The following SLC35D2 variants were observed in gnomAD, a reference collection of about 807,000 sequenced individuals.
SLC35D2 encodes nucleotide sugar transporter SLC35D2.
In SLC35D2, 43 loss-of-function variants were observed where a neutral mutation model predicts 41.8. That is an observed-to-expected ratio of 1.03 (90% CI 0.81 to 1.33). SLC35D2 has a LOEUF of 1.33. Ranked by LOEUF, SLC35D2 falls within the 40% of genes most tolerant of loss-of-function variation. The pLI is 0.00. For synonymous variants in SLC35D2, 150 were observed against 163.9 expected, an observed-to-expected ratio of 0.92 and a Z score of 0.65; for missense variants, 380 against 408.4, an observed-to-expected ratio of 0.93 and a Z score of 0.60.
intron 9 of SLC35D2, among the ~76,000 whole-genome samples, chr9:96,325,403 T>C (rs10990503): frequency 0.32 from 48,310 of 152,036 alleles, 7,866 homozygotes; most frequent in Admixed American, 0.36. Context: ...CCAGGTCAGG[T>C]TCGGCACGGT....
In SLC35D2 at chr9:96,322,138, T is replaced by A. The variant is rs183293966; in HGVS notation, c.832-58A>T. 3.1e-3 allele frequency: 3,443 copies of A among 1,096,012 alleles called. 10 individuals carry two copies. Among genetic ancestry groups the A allele is most frequent in the South Asian group, 5.9e-3 (441 of 75,176 alleles). The allele number at this position is 1,096,012 out of a possible 1,614,324, so 67.9% of individuals were successfully genotyped here. A position where few individuals can be genotyped will look rare whatever the true frequency, so the allele number is the denominator to read the frequency against. On this transcript the variant is annotated intron_variant, in intron 10 of 11. Transcript: ENST00000253270. Reference sequence around the variant, plus strand: ...AAAGTAAACTGTTTAGGGGAAAATATAAATAGTAAAACCTGAAACTAGACA... The same window carrying A: ...AAAGTAAACTGTTTAGGGGAAAATAAAAATAGTAAAACCTGAAACTAGACA...
chr9:96,345,815 A>C (rs1214301902), intron 6 of SLC35D2, among the ~76,000 whole-genome samples: 1 of 152,168 alleles, frequency 6.6e-6, no homozygotes, highest in African/African-American at 2.4e-5. Context: ...GAGGCTGGGT[A>C]AGAGGGGTCG....
chr9:96,368,443 T>C (rs1465764562), intron 1 of SLC35D2, 138 bp from the exon 2 acceptor site: 3 of 763,258 alleles, frequency 3.9e-6, no homozygotes, highest in Non-Finnish European at 2.1e-6. Flanking sequence ...TTTAATTCTT[T>C]TTTTTTTTTC....
chr9:96,353,344 A>ATTATTTATTTATTTATTTAT (rs71308273), intron 4 of SLC35D2, among the ~76,000 whole-genome samples: 77 of 149,650 alleles, frequency 5.1e-4, no homozygotes, highest in African/African-American at 1.9e-3. Context: ...GCTGCAAAGG[A>ATTATTTATTTATTTATTTAT]TTATTTATTT....
At chr9:96,340,919 G>A (rs1372840835) in intron 8 of SLC35D2, among the ~76,000 whole-genome samples, 2 of 152,108 alleles carry the variant, frequency 1.3e-5, no homozygotes, top group East Asian at 1.9e-4. Context: ...GCTAAACAGG[G>A]TAAATATTCG....
downstream of SLC35D2, among the ~76,000 whole-genome samples, chr9:96,316,316 C>G (rs1365773409): frequency 6.6e-6 from 1 of 152,084 alleles, no homozygotes; most frequent in Non-Finnish European, 1.5e-5. Context: ...GCCTGGCCAA[C>G]ATGGTGAAAC....
intron 9 of SLC35D2, among the ~76,000 whole-genome samples, chr9:96,331,508 T>C (rs979868878): frequency 6.6e-6 from 1 of 152,036 alleles, no homozygotes; most frequent in Non-Finnish European, 1.5e-5. Context: ...TTTTTTTTTC[T>C]TTCCCTCTGC....
At chr9:96,348,185 T>C (rs1021580860) in intron 6 of SLC35D2, among the ~76,000 whole-genome samples, 7 of 152,226 alleles carry the variant, frequency 4.6e-5, no homozygotes, top group African/African-American at 1.2e-4. Context: ...GTAACAGGAT[T>C]ACAGGCATGG....
At chr9:96,315,618 A>G (rs1256747222) in intron 11 of SLC35D2, among the ~76,000 whole-genome samples, 3 of 151,958 alleles carry the variant, frequency 2.0e-5, no homozygotes, top group Non-Finnish European at 4.4e-5. Context: ...TATTTTTAGT[A>G]GTGACGGGGT....
chr9:96,347,231 A>G (rs1829622221), intron 6 of SLC35D2, among the ~76,000 whole-genome samples: 1 of 152,154 alleles, frequency 6.6e-6, no homozygotes, highest in Non-Finnish European at 1.5e-5. Context: ...GAGACAGCAG[A>G]GCCAAGTGAG....
At chr9:96,324,718 AC>A (rs1193178776) in intron 9 of SLC35D2, among the ~76,000 whole-genome samples, 1 of 151,864 alleles carries the variant, frequency 6.6e-6, no homozygotes. Context: ...ATACCCAGCT[AC>A]TTTTTTTTGT....
intron 9 of SLC35D2, among the ~76,000 whole-genome samples, chr9:96,326,434 T>C (rs1313526554): frequency 3.9e-5 from 6 of 152,222 alleles, no homozygotes; most frequent in African/African-American, 1.2e-4. Context: ...AAAGTAAATG[T>C]TCTTTTATAG....
chr9:96,375,407 G>A (rs968849453), intron 1 of SLC35D2, among the ~76,000 whole-genome samples: 26 of 150,738 alleles, frequency 1.7e-4, no homozygotes, highest in African/African-American at 4.9e-4. Flanking sequence ...ATGAAACCCC[G>A]TCTCTACTAA....
chr9:96,371,758 GCT>G lies in SLC35D2; in HGVS notation c.159-3455_159-3454del, dbSNP rs902564513. On this transcript the variant is annotated intron_variant, in intron 1 of 11. Coordinates refer to ENST00000253270, the MANE Select transcript of SLC35D2 (RefSeq NM_007001.3). ...TTTTTTTTTTTTGAGACGGAGTCTCGCTCTGTCGCCCAGGCTGGAGTGCAGTG... is the reference window on the plus strand; with the variant it reads ...TTTTTTTTTTTTGAGACGGAGTCTCGCTGTCGCCCAGGCTGGAGTGCAGTG... Among the ~76,000 whole-genome samples, 9 of 107,344 alleles carry G rather than the reference GCT, an allele frequency of 8.4e-5. No individual in the cohort carries two copies. In the Admixed American group the frequency reaches 1.2e-3, roughly 14 times the overall value. The allele number at this position is 107,344 out of a possible 152,430, so 70.4% of individuals were successfully genotyped here.
In SLC35D2 at chr9:96,332,027, T is replaced by G. The variant is rs12683992; in HGVS notation, c.752+4690A>C. Among the ~76,000 whole-genome samples, 5 of 152,306 alleles carry G rather than the reference T, an allele frequency of 3.3e-5. No individual in the cohort carries two copies. The South Asian group carries it at 1.0e-3, about 32-fold the overall frequency. ...TGCTAAAAAGGTTGGGGACTGCTGGTTTACAGTGTCTTTCAGGACTGTGGT... is the reference window on the plus strand; with the variant it reads ...TGCTAAAAAGGTTGGGGACTGCTGGGTTACAGTGTCTTTCAGGACTGTGGT... On this transcript the variant is annotated intron_variant, in intron 9 of 11. Transcript: ENST00000253270.
chr9:96,315,685 G>T (rs111799723), intron 11 of SLC35D2, among the ~76,000 whole-genome samples: 2 of 152,004 alleles, frequency 1.3e-5, no homozygotes, highest in Non-Finnish European at 2.9e-5. Context: ...CACCCGCCTC[G>T]GCCTCCCAAA....
intron 1 of SLC35D2, among the ~76,000 whole-genome samples, chr9:96,382,464 T>TACAC (rs1491363084): frequency 1.2e-4 from 11 of 95,600 alleles, no homozygotes; most frequent in African/African-American, 4.1e-4. Flanking sequence ...AAAAAAATAT[T>TACAC]ATACACACAC....
chr9:96,323,739 A>T (rs1828367884), intron 10 of SLC35D2, among the ~76,000 whole-genome samples: 1 of 152,072 alleles, frequency 6.6e-6, no homozygotes, highest in Non-Finnish European at 1.5e-5. Context: ...AGCCTGGCCA[A>T]CATGGTGAAA....
Position 96,324,549 on chromosome 9 carries a change from C to CTTTTTTTTTTTTTTTTTTTTTTTTTTT in SLC35D2, c.753-381_753-380insAAAAAAAAAAAAAAAAAAAAAAAAAAA, listed in dbSNP as rs57775451. 1.3e-3 allele frequency among the ~76,000 whole-genome samples: 157 copies of CTTTTTTTTTTTTTTTTTTTTTTTTTTT among 117,704 alleles called. 11 individuals carry two copies. The highest frequency in any genetic ancestry group is 6.3e-3 in the East Asian group (20 of 3,184). 77.2% of individuals were successfully genotyped at this position (117,704 alleles called of 152,430 possible). A position where few individuals can be genotyped will look rare whatever the true frequency, so the allele number is the denominator to read the frequency against. ...CTGTGCCTCAGAATCGCCTGCTGCA[C>CTTTTTTTTTTTTTTTTTTTTTTTTTTT]TTTTTTTTTTTTTTTTTGGTGGGGA... On this transcript the variant is annotated intron_variant, in intron 9 of 11. Coordinates refer to ENST00000253270, the MANE Select transcript of SLC35D2 (RefSeq NM_007001.3).
Sources: gnomAD v4.1 joint callset for allele counts (sites outside exome capture counted in the v4.1 genomes callset) on GRCh38, gnomAD v4.1.1 for gene constraint, MANE v1.5 for transcripts, NCBI Gene and HGNC (gene_info 2026-07-23, HGNC 2026-07-21) for gene names.